Variants in DLGAP1 observed in about 807,000 individuals in gnomAD.
DLGAP1 encodes DLG associated protein 1.
In DLGAP1, 11 loss-of-function variants were observed where a neutral mutation model predicts 90.8. The ratio of observed to expected loss-of-function variants is 0.12; its 90% confidence interval spans 0.08 to 0.20. DLGAP1 has a LOEUF of 0.20. DLGAP1 is among the 10% of genes least tolerant of loss of function. DLGAP1 has a pLI of 1.00. For missense variants in DLGAP1, 1,050 were observed against 1,333.8 expected, an observed-to-expected ratio of 0.79 and a Z score of 3.31; for synonymous variants, 558 against 540.7, an observed-to-expected ratio of 1.03 and a Z score of -0.44.
chr18:4,088,922 A>G (rs6506180), intron 2 of DLGAP1, among the ~76,000 whole-genome samples: 39,431 of 152,148 alleles, frequency 0.26, 5,414 homozygotes, highest in Non-Finnish European at 0.31. Context: ...CACCACTCCT[A>G]TTCAACATAG....
At chr18:4,282,099 T>A (rs1277950346) in intron 1 of DLGAP1, among the ~76,000 whole-genome samples, 1 of 152,210 alleles carries the variant, frequency 6.6e-6, no homozygotes, top group Non-Finnish European at 1.5e-5. Context: ...GTGAAGGGGC[T>A]CACGCCTGTA....
chr18:4,388,207 C>T (rs1341550436), intron 1 of DLGAP1, among the ~76,000 whole-genome samples: 1 of 151,924 alleles, frequency 6.6e-6, no homozygotes, highest in Non-Finnish European at 1.5e-5. Flanking sequence ...TTAAGAAATG[C>T]AGCAGACAGG....
chr18:4,267,183 A>AGTGTGTGT (rs146992333), intron 1 of DLGAP1, among the ~76,000 whole-genome samples: 1 of 147,376 alleles, frequency 6.8e-6, no homozygotes, highest in African/African-American at 2.7e-5. Context: ...CACTGTAATG[A>AGTGTGTGT]GTGTGTGTGT....
intron 1 of DLGAP1, among the ~76,000 whole-genome samples, chr18:4,350,615 T>C (rs560318585): frequency 6.6e-6 from 1 of 152,142 alleles, no homozygotes; most frequent in Non-Finnish European, 1.5e-5. Context: ...CATTTACAGA[T>C]CTGGGAACAA....
At chr18:3,887,890 T>C (rs530625081) in intron 3 of DLGAP1, among the ~76,000 whole-genome samples, 12 of 151,698 alleles carry the variant, frequency 7.9e-5, no homozygotes, top group African/African-American at 1.9e-4. Context: ...GGGCGGATCA[T>C]GAGGTCAGGT....
chr18:3,523,263 G>A (rs2051334207), intron 10 of DLGAP1, among the ~76,000 whole-genome samples: 1 of 151,768 alleles, frequency 6.6e-6, no homozygotes, highest in African/African-American at 2.4e-5. Context: ...TGTAATCCCA[G>A]CTACTCAGGA....
intron 1 of DLGAP1, among the ~76,000 whole-genome samples, chr18:4,263,958 A>G (rs1158365206): frequency 6.6e-6 from 1 of 152,250 alleles, no homozygotes; most frequent in Non-Finnish European, 1.5e-5. Flanking sequence ...GAAAGCAAAT[A>G]GTCTTTCTGA....
intron 5 of DLGAP1, among the ~76,000 whole-genome samples, chr18:3,746,326 T>G (rs2063269044): frequency 6.6e-6 from 1 of 152,074 alleles, no homozygotes; most frequent in East Asian, 1.9e-4. Flanking sequence ...TTTATCAATG[T>G]TTTATGAATA....
chr18:3,622,931 A>G (rs1224465262), intron 7 of DLGAP1, among the ~76,000 whole-genome samples: 1 of 152,040 alleles, frequency 6.6e-6, no homozygotes, highest in East Asian at 1.9e-4. Context: ...CAGCCTCCCC[A>G]GTAGATGGGA....
intron 1 of DLGAP1, among the ~76,000 whole-genome samples, chr18:4,330,814 G>A (rs1198214209): frequency 1.3e-5 from 2 of 151,712 alleles, no homozygotes; most frequent in Non-Finnish European, 2.9e-5. Flanking sequence ...TGTTCTTGGT[G>A]TGTATTTTCT....
chr18:3,690,817 G>A (rs1310443867), intron 7 of DLGAP1, among the ~76,000 whole-genome samples: 1 of 152,042 alleles, frequency 6.6e-6, no homozygotes, highest in African/African-American at 2.4e-5. Flanking sequence ...AACAGAATTA[G>A]GCTCTACATC....
intron 5 of DLGAP1, among the ~76,000 whole-genome samples, chr18:3,776,733 AAAAACAAAAAC>A (rs1168054856): frequency 2.0e-5 from 3 of 152,132 alleles, no homozygotes; most frequent in East Asian, 1.9e-4. Flanking sequence ...TTTAAAAAAC[AAAAACAAAAAC>A]AAAACAAAAA....
chr18:4,088,062 CTT>C (rs1328739560), intron 2 of DLGAP1, among the ~76,000 whole-genome samples: 3 of 148,624 alleles, frequency 2.0e-5, no homozygotes, highest in Non-Finnish European at 3.0e-5. Context: ...CTATTGATCT[CTT>C]GTTTATGTTT....
At chr18:4,088,736 A>T (rs1264641859) in intron 2 of DLGAP1, among the ~76,000 whole-genome samples, 2 of 152,190 alleles carry the variant, frequency 1.3e-5, no homozygotes, top group African/African-American at 4.8e-5. Flanking sequence ...AAGGCCTTTA[A>T]TAAAATTCAA....
intron 2 of DLGAP1, among the ~76,000 whole-genome samples, chr18:4,109,495 T>G (rs575680660): frequency 6.6e-6 from 1 of 152,312 alleles, no homozygotes; most frequent in East Asian, 1.9e-4. Context: ...CAGAGAAGGC[T>G]AAAGTGTCCA....
intron 5 of DLGAP1, among the ~76,000 whole-genome samples, chr18:3,805,182 T>C (rs372500350): frequency 2.0e-5 from 3 of 152,332 alleles, no homozygotes; most frequent in South Asian, 2.1e-4. Context: ...CCACATACAC[T>C]GCACCTTCTC....
chr18:4,084,892 T>C lies in DLGAP1; in HGVS notation c.-159+66288A>G, dbSNP rs761361129. ...AAAGCCTTTCCTCCCCTACATTTTA[T>C]TCTGTTTAAGTTTTGTTGTTTATGA... On this transcript the variant is annotated intron_variant, in intron 2 of 12. Coordinates refer to ENST00000315677, the MANE Select transcript of DLGAP1 (RefSeq NM_004746.4). This position sits in a 1 kb window ranked among gnomAD's most constrained non-coding sequence, Gnocchi z 4.0. Among the ~76,000 whole-genome samples, 10 of 152,164 alleles carry C rather than the reference T, an allele frequency of 6.6e-5. No individual in the cohort carries two copies. Among genetic ancestry groups the C allele is most frequent in the African/African-American group, 1.9e-4 (8 of 41,452 alleles).
At position 3,770,892 on chromosome 18, in the gene DLGAP1, T is replaced by C. The variant is rs1001134191; in HGVS notation, c.1173-28380A>G. ...GCTTTTCCAGATAGGTGTTTAGGTG[T>C]TGGAAAGATGACTTCTACCCACTTT... On this transcript the variant is annotated intron_variant, in intron 5 of 12. Coordinates refer to ENST00000315677, the MANE Select transcript of DLGAP1 (RefSeq NM_004746.4). The C allele has an allele frequency of 5.9e-5, 9 of 152,332 alleles. No homozygotes were observed. In the East Asian group the frequency reaches 1.7e-3, roughly 29 times the overall value. 9.4% of individuals were successfully genotyped at this position (152,332 alleles called of 1,614,324 possible).
intron 3 of DLGAP1, among the ~76,000 whole-genome samples, chr18:3,959,814 T>C (rs1352874062): frequency 6.6e-6 from 1 of 152,246 alleles, no homozygotes; most frequent in African/African-American, 2.4e-5. Context: ...CCGATGCATC[T>C]AAATGTATTA....
Sources: gnomAD v4.1 joint callset for allele counts (sites outside exome capture counted in the v4.1 genomes callset) on GRCh38, gnomAD v4.1.1 for gene constraint, Gnocchi (gnomAD v3.1) non-coding constraint, MANE v1.5 for transcripts, NCBI Gene and HGNC (gene_info 2026-07-23, HGNC 2026-07-21) for gene names.